Variants in COMMD10 observed in about 807,000 individuals in gnomAD.
COMMD10 encodes the protein COMM domain-containing protein 10.
A neutral mutation model predicts 28.9 loss-of-function variants in COMMD10; 33 were observed. That is an observed-to-expected ratio of 1.14 (90% CI 0.87 to 1.53). The LOEUF is 1.53. COMMD10 is among the 40% of genes most tolerant of loss of function. The pLI is 0.00. For synonymous variants in COMMD10, 110 were observed against 81.7 expected, an observed-to-expected ratio of 1.35 and a Z score of -1.87; for missense variants, 310 against 233.4, an observed-to-expected ratio of 1.33 and a Z score of -2.14.
At chr5:116,160,873 C>T (rs556828165) in intron 5 of COMMD10, among the ~76,000 whole-genome samples, 1 of 152,132 alleles carries the variant, frequency 6.6e-6, no homozygotes, top group Non-Finnish European at 1.5e-5. Context: ...TACAATTGTT[C>T]TCCCTTGCCA....
chr5:116,231,611 A>G (rs1749531198), intron 5 of COMMD10, among the ~76,000 whole-genome samples: 1 of 152,180 alleles, frequency 6.6e-6, no homozygotes, highest in Non-Finnish European at 1.5e-5. Flanking sequence ...ATTTTCTTAA[A>G]CAATGGGCAA....
Position 116,218,765 on chromosome 5 carries a change from T to TCTA in COMMD10, c.511-72751_511-72750insTAC, listed in dbSNP as rs572179223. Among the ~76,000 whole-genome samples, 57 of 152,266 alleles carry TCTA rather than the reference T, an allele frequency of 3.7e-4. No individual in the cohort carries two copies. The South Asian group carries it at 0.012, about 32-fold the overall frequency. On this transcript the variant is annotated intron_variant, in intron 5 of 6. Coordinates refer to ENST00000274458, the MANE Select transcript of COMMD10 (RefSeq NM_016144.4). ...TTTTAGGGACAGTCCTGAATAGTAG[T>TCTA]CGAGTAGTAAGGGCTCCAAAAGAAC...
At chr5:116,164,544 G>A (rs1580508510) in intron 5 of COMMD10, among the ~76,000 whole-genome samples, 2 of 152,152 alleles carry the variant, frequency 1.3e-5, no homozygotes, top group African/African-American at 4.8e-5. Context: ...AAATAAAAAT[G>A]TTAAGCAAGA....
chr5:116,128,154 TGTA>T (rs1022598515), intron 4 of COMMD10, among the ~76,000 whole-genome samples: 4 of 152,234 alleles, frequency 2.6e-5, no homozygotes, highest in East Asian at 1.9e-4. Context: ...GAGGAGTTAA[TGTA>T]GTAATTTTGT....
At chr5:116,143,227 A>C (rs1752248323) in intron 5 of COMMD10, among the ~76,000 whole-genome samples, 1 of 151,506 alleles carries the variant, frequency 6.6e-6, no homozygotes, top group African/African-American at 2.4e-5. Flanking sequence ...ATTTTTTCAT[A>C]TTTCAGGCTG....
At chr5:116,261,887 T>C (rs1171302469) in intron 5 of COMMD10, among the ~76,000 whole-genome samples, 1 of 151,822 alleles carries the variant, frequency 6.6e-6, no homozygotes, top group East Asian at 1.9e-4. Context: ...AAATATTTTT[T>C]CCCTTTAGTT....
At chr5:116,174,060 C>G (rs1753424916) in intron 5 of COMMD10, among the ~76,000 whole-genome samples, 1 of 152,046 alleles carries the variant, frequency 6.6e-6, no homozygotes. Context: ...AGTGTATACT[C>G]TATCAGGTTG....
chr5:116,274,897 A>G (rs1750860458), intron 5 of COMMD10, among the ~76,000 whole-genome samples: 1 of 151,620 alleles, frequency 6.6e-6, no homozygotes, highest in African/African-American at 2.4e-5. Flanking sequence ...CCTCCTGAGC[A>G]CTCTTAAGTA....
rs537232264 is a variant in COMMD10, at chr5:116,274,567, AG to A, written c.511-16949del. 1.1e-3 allele frequency among the ~76,000 whole-genome samples: 168 copies of A among 151,964 alleles called. 4 individuals are homozygous for A. Among genetic ancestry groups the A allele is most frequent in the African/African-American group, 4.0e-3 (165 of 41,300 alleles). On this transcript the variant is annotated intron_variant, in intron 5 of 6. Coordinates refer to ENST00000274458, the MANE Select transcript of COMMD10 (RefSeq NM_016144.4). ...TTACTGTATACTCATTCCTCTGTTC[AG>A]CTGGGCTTGGCTTTTCCCCATCACT...
rs1323144830 is a variant in COMMD10 at position 116,111,049 on chromosome 5, T to G, written c.399+18349T>G. On this transcript the variant is annotated intron_variant, in intron 4 of 6. Coordinates refer to ENST00000274458, the MANE Select transcript of COMMD10 (RefSeq NM_016144.4). Reference sequence around the variant, plus strand: ...GAAATTTACCTATTTTCTGCAAGTTTTCTAGTTTATGAACATGTAGTTGTT... The same window carrying G: ...GAAATTTACCTATTTTCTGCAAGTTGTCTAGTTTATGAACATGTAGTTGTT... 2.6e-5 allele frequency among the ~76,000 whole-genome samples: 4 copies of G among 152,346 alleles called. No homozygotes were observed. In the South Asian group the frequency reaches 6.2e-4, roughly 24 times the overall value.
Position 116,292,469 on chromosome 5 carries a change from C to T in COMMD10, c.589C>T (p.Gln197Ter), listed in dbSNP as rs777760753. Residue 197 changes from glutamine (Q) to a stop codon, truncating the protein, a stop_gained, in exon 7 of 7, where the codon CAG becomes TAG. Coordinates refer to ENST00000274458, the MANE Select transcript of COMMD10 (RefSeq NM_016144.4). LOFTEE classifies it high-confidence loss of function. Reference sequence around the variant, plus strand: ...TAAATAGCTAGAGACTATACAAGCACAGCTGGATTCCCTTACATGATGTTT... The same window carrying T: ...TAAATAGCTAGAGACTATACAAGCATAGCTGGATTCCCTTACATGATGTTT... ...FYNKLETIQAQLDSLT is the reference protein window; with the variant it reads ...FYNKLETIQA 1 of 1,569,564 alleles carries T rather than the reference C, an allele frequency of 6.4e-7. No homozygotes were observed. Among genetic ancestry groups the T allele is most frequent in the Admixed American group, 1.8e-5 (1 of 57,092 alleles).
chr5:116,195,698 A>T (rs59279546), intron 5 of COMMD10, among the ~76,000 whole-genome samples: 47,341 of 152,062 alleles, frequency 0.31, 10,139 homozygotes, highest in African/African-American at 0.61. Flanking sequence ...ATGCTCATGA[A>T]TGGGTAGAAT....
intron 5 of COMMD10, among the ~76,000 whole-genome samples, chr5:116,170,516 C>T (rs540615522): frequency 6.6e-6 from 1 of 152,146 alleles, no homozygotes; most frequent in Non-Finnish European, 1.5e-5. Flanking sequence ...AAAAAAGAAC[C>T]CGTATAGCCA....
chr5:116,172,854 A>G (rs1366616462), intron 5 of COMMD10, among the ~76,000 whole-genome samples: 2 of 152,156 alleles, frequency 1.3e-5, no homozygotes, highest in Admixed American at 6.6e-5. Flanking sequence ...AAAAAATACG[A>G]TGAAATTTCA....
chr5:116,200,919 C>G (rs1404381966), intron 5 of COMMD10, among the ~76,000 whole-genome samples: 2 of 152,094 alleles, frequency 1.3e-5, no homozygotes, highest in African/African-American at 4.8e-5. Context: ...TTGTTCTGTC[C>G]TCTTCAAACT....
chr5:116,239,208 T>C (rs1242310314), intron 5 of COMMD10, among the ~76,000 whole-genome samples: 1 of 152,202 alleles, frequency 6.6e-6, no homozygotes, highest in Admixed American at 6.6e-5. Flanking sequence ...GTGGATTTTT[T>C]ATAGGTTCTT....
intron 5 of COMMD10, among the ~76,000 whole-genome samples, chr5:116,220,920 G>A (rs1033769447): frequency 3.9e-5 from 6 of 152,092 alleles, no homozygotes; most frequent in Admixed American, 1.3e-4. Flanking sequence ...CACATTCAGC[G>A]TTAATCACTA....
At chr5:116,193,281 A>G (rs1424771918) in intron 5 of COMMD10, among the ~76,000 whole-genome samples, 1 of 152,208 alleles carries the variant, frequency 6.6e-6, no homozygotes, top group East Asian at 1.9e-4. Flanking sequence ...TACGCAGGCA[A>G]CAAAGAGCCG....
chr5:116,174,420 T>A (rs1296069758), intron 5 of COMMD10, among the ~76,000 whole-genome samples: 1 of 152,114 alleles, frequency 6.6e-6, no homozygotes, highest in Non-Finnish European at 1.5e-5. Context: ...AAATGGAGGA[T>A]GTTGAGCAGA....
Sources: allele counts gnomAD v4.1 joint callset (sites outside exome capture counted in the v4.1 genomes callset), GRCh38; gene constraint gnomAD v4.1.1; transcripts MANE v1.5; gene names NCBI Gene and HGNC (gene_info 2026-07-23, HGNC 2026-07-21).